Variants in LPGAT1 observed in about 807,000 individuals in gnomAD.
LPGAT1 encodes acyl-CoA:lysophosphatidylglycerol acyltransferase 1.
A neutral mutation model predicts 47.5 loss-of-function variants in LPGAT1; 11 were observed. The ratio of observed to expected loss-of-function variants is 0.23; its 90% confidence interval spans 0.15 to 0.38. The LOEUF (loss-of-function observed/expected upper bound fraction) is 0.38. LPGAT1 is among the 10% of genes least tolerant of loss of function. The pLI, the probability that LPGAT1 is intolerant of heterozygous loss-of-function variation, is 1.00. For missense variants in LPGAT1, 293 were observed against 439.0 expected, an observed-to-expected ratio of 0.67 and a Z score of 2.97; for synonymous variants, 138 against 144.2, an observed-to-expected ratio of 0.96 and a Z score of 0.31.
intron 2 of LPGAT1, among the ~76,000 whole-genome samples, chr1:211,798,265 G>A (rs1486529072): frequency 6.6e-6 from 1 of 152,182 alleles, no homozygotes; most frequent in Non-Finnish European, 1.5e-5. Flanking sequence ...TTGCAAAAAT[G>A]AGGAAGATCT....
chr1:211,809,524 T>C (rs1159435925), intron 2 of LPGAT1, among the ~76,000 whole-genome samples: 4 of 152,154 alleles, frequency 2.6e-5, no homozygotes, highest in Non-Finnish European at 4.4e-5. Flanking sequence ...CCTGCCCAAA[T>C]CTCATCTTGA....
At chr1:211,752,457 C>T (rs954137162) in intron 6 of LPGAT1, among the ~76,000 whole-genome samples, 51 of 152,210 alleles carry the variant, frequency 3.4e-4, no homozygotes, top group African/African-American at 1.1e-3. Flanking sequence ...GATTAATTCT[C>T]CTCCTCATTG....
At chr1:211,755,243 CAGG>C (rs1453598753) in intron 6 of LPGAT1, among the ~76,000 whole-genome samples, 5 of 151,418 alleles carry the variant, frequency 3.3e-5, no homozygotes, top group South Asian at 2.1e-4. Flanking sequence ...GAGGCTGAGG[CAGG>C]AGAACTGCTT....
In LPGAT1 at chr1:211,762,480, G is replaced by T. The variant is rs560259452; in HGVS notation, c.855-11413C>A. Among the ~76,000 whole-genome samples the T allele has an allele frequency of 7.2e-5, 11 of 152,294 alleles. No homozygotes were observed. The East Asian group carries it at 1.9e-3, about 27-fold the overall frequency. ...AAGAGCAATCTACTTCTATTACTCT[G>T]ATTGGTCACCATAGGATTAAAATAT... is the stretch of plus-strand genomic sequence containing the variant. On this transcript the variant is annotated intron_variant, in intron 6 of 7. Coordinates refer to ENST00000366997, the MANE Select transcript of LPGAT1 (RefSeq NM_014873.3).
At chr1:211,756,564 G>C (rs1571693911) in intron 6 of LPGAT1, among the ~76,000 whole-genome samples, 1 of 152,194 alleles carries the variant, frequency 6.6e-6, no homozygotes, top group East Asian at 1.9e-4. Flanking sequence ...GAACTCCTGG[G>C]CTCAAGAGAT....
At chr1:211,777,519 C>A (rs1485602128) in intron 6 of LPGAT1, among the ~76,000 whole-genome samples, 1 of 151,898 alleles carries the variant, frequency 6.6e-6, no homozygotes, top group Non-Finnish European at 1.5e-5. Context: ...CATACAGATA[C>A]CTGTCATATT....
At chr1:211,816,323 ATGT>A (rs1660172499) in intron 2 of LPGAT1, among the ~76,000 whole-genome samples, 1 of 152,118 alleles carries the variant, frequency 6.6e-6, no homozygotes, top group African/African-American at 2.4e-5. Flanking sequence ...AACAGCAACT[ATGT>A]TGTTTTGTTT....
At chr1:211,768,340 A>C (rs1658025801) in intron 6 of LPGAT1, among the ~76,000 whole-genome samples, 1 of 152,214 alleles carries the variant, frequency 6.6e-6, no homozygotes, top group Non-Finnish European at 1.5e-5. Context: ...TGAATTAGTT[A>C]TTTTTAATTG....
At chr1:211,771,876 T>G (rs1658187373) in intron 6 of LPGAT1, among the ~76,000 whole-genome samples, 2 of 152,210 alleles carry the variant, frequency 1.3e-5, no homozygotes, top group African/African-American at 4.8e-5. Context: ...TTCTGGGTCT[T>G]GTAAGGAAGG....
chr1:211,828,101 G>A (rs752605350), intron 2 of LPGAT1, among the ~76,000 whole-genome samples: 19 of 152,104 alleles, frequency 1.2e-4, no homozygotes, highest in Non-Finnish European at 2.6e-4. Flanking sequence ...TTGACCCTGG[G>A]AGTACCCCTC....
At chr1:211,784,915 T>C (rs564914707) in intron 4 of LPGAT1, among the ~76,000 whole-genome samples, 104 of 151,512 alleles carry the variant, frequency 6.9e-4, no homozygotes, top group Non-Finnish European at 1.1e-3. Context: ...GCCATTCTCC[T>C]GCCTCAGCCT....
chr1:211,800,568 A>T (rs1484575926), intron 2 of LPGAT1, among the ~76,000 whole-genome samples: 1 of 152,148 alleles, frequency 6.6e-6, no homozygotes, highest in East Asian at 1.9e-4. Flanking sequence ...TTTAAGTTAA[A>T]CTTGTACTGT....
chr1:211,809,041 C>CAA (rs879579584), intron 2 of LPGAT1, among the ~76,000 whole-genome samples: 10 of 132,390 alleles, frequency 7.6e-5, no homozygotes, highest in Non-Finnish European at 1.1e-4. Context: ...ACTAAAAATA[C>CAA]AAAAAAAAAA....
intron 5 of LPGAT1, among the ~76,000 whole-genome samples, chr1:211,781,377 T>C (rs1031024525): frequency 1.1e-4 from 16 of 152,256 alleles, no homozygotes; most frequent in Non-Finnish European, 2.4e-4. Flanking sequence ...AACAGCAGTC[T>C]TTATTAGTGC....
chr1:211,814,818 C>T (rs1038241092), intron 2 of LPGAT1, among the ~76,000 whole-genome samples: 40 of 152,328 alleles, frequency 2.6e-4, no homozygotes, highest in African/African-American at 8.9e-4. Context: ...CATTCATCTT[C>T]GACCCACTCC....
At chr1:211,781,397 T>C (rs1440164211) in intron 5 of LPGAT1, among the ~76,000 whole-genome samples, 1 of 152,236 alleles carries the variant, frequency 6.6e-6, no homozygotes, top group Non-Finnish European at 1.5e-5. Flanking sequence ...CAACTAATCC[T>C]GTTTGGAAGA....
At chr1:211,823,804 G>A (rs1660445214) in intron 2 of LPGAT1, among the ~76,000 whole-genome samples, 1 of 151,934 alleles carries the variant, frequency 6.6e-6, no homozygotes, top group African/African-American at 2.4e-5. Flanking sequence ...AAGGCACAGT[G>A]ATGCACACTT....
At chr1:211,791,697 A>C (rs1307322057) in intron 3 of LPGAT1, among the ~76,000 whole-genome samples, 3 of 150,602 alleles carry the variant, frequency 2.0e-5, no homozygotes, top group Admixed American at 1.3e-4. Flanking sequence ...CAGCAAGCCA[A>C]GATTGTGCCA....
At chr1:211,795,043 G>A (rs1041808662) in intron 2 of LPGAT1, among the ~76,000 whole-genome samples, 1 of 152,112 alleles carries the variant, frequency 6.6e-6, no homozygotes, top group Non-Finnish European at 1.5e-5. Flanking sequence ...AGGGGCTGGG[G>A]GAGGGGGAAA....
Sources: gnomAD v4.1 joint callset for allele counts (sites outside exome capture counted in the v4.1 genomes callset) on GRCh38, gnomAD v4.1.1 for gene constraint, MANE v1.5 for transcripts, NCBI Gene and HGNC (gene_info 2026-07-23, HGNC 2026-07-21) for gene names.